RIPOR2: variants seen among roughly 807,000 people sequenced by gnomAD.
RIPOR2 encodes the protein rho family-interacting cell polarization regulator 2.
A neutral mutation model predicts 114.5 loss-of-function variants in RIPOR2; 39 were observed. The observed-to-expected ratio is 0.34, with a 90% CI of 0.26 to 0.44. The LOEUF (loss-of-function observed/expected upper bound fraction) is 0.44, where lower values mean the gene tolerates loss of function less well. Ranked by LOEUF, RIPOR2 falls within the 20% of genes least tolerant of loss-of-function variation. The pLI is 1.00. For missense variants in RIPOR2, 1,007 were observed against 1,255.1 expected, an observed-to-expected ratio of 0.80 and a Z score of 2.99; for synonymous variants, 445 against 484.4, an observed-to-expected ratio of 0.92 and a Z score of 1.07.
intron 1 of RIPOR2, among the ~76,000 whole-genome samples, chr6:24,974,152 G>A (rs1452916496): frequency 6.6e-6 from 1 of 152,208 alleles, no homozygotes; most frequent in African/African-American, 2.4e-5. Context: ...GGGAGGCAGA[G>A]GTGGGAGGAC....
intron 8 of RIPOR2, 40 bp downstream of exon 8, chr6:24,860,933 G>T: frequency 7.5e-7 from 1 of 1,332,382 alleles, no homozygotes; most frequent in Non-Finnish European, 1.1e-6. Context: ...GCACTCTGCA[G>T]AGATGGCTCC....
chr6:24,920,375 C>T (rs908173432), intron 1 of RIPOR2, among the ~76,000 whole-genome samples: 3 of 152,148 alleles, frequency 2.0e-5, no homozygotes, highest in Non-Finnish European at 4.4e-5. Flanking sequence ...TGATGCATTC[C>T]CACAATTATC....
chr6:24,914,076 T>A (rs1479812505), intron 1 of RIPOR2, among the ~76,000 whole-genome samples: 1 of 152,220 alleles, frequency 6.6e-6, no homozygotes, highest in Non-Finnish European at 1.5e-5. Context: ...GGCTCATGCC[T>A]ATAATCCCAG....
At chr6:24,901,900 T>C (rs1226067033) in intron 1 of RIPOR2, among the ~76,000 whole-genome samples, 2 of 152,230 alleles carry the variant, frequency 1.3e-5, no homozygotes, top group African/African-American at 4.8e-5. Context: ...ATCACAGGGT[T>C]GTTCTGTGGT....
chr6:24,857,646 T>C (rs906639711), intron 8 of RIPOR2, among the ~76,000 whole-genome samples: 1 of 152,178 alleles, frequency 6.6e-6, no homozygotes, highest in African/African-American at 2.4e-5. Context: ...CTATTACAGG[T>C]GTTACTGATC....
At chr6:24,876,189 C>A (rs1379503412) in intron 1 of RIPOR2, among the ~76,000 whole-genome samples, 3 of 151,958 alleles carry the variant, frequency 2.0e-5, no homozygotes, top group Non-Finnish European at 2.9e-5. Context: ...ACTCGGGAGG[C>A]TGAGGCAGGA....
chr6:24,934,093 G>T (rs1043291283), intron 1 of RIPOR2, among the ~76,000 whole-genome samples: 6 of 152,184 alleles, frequency 3.9e-5, no homozygotes, highest in African/African-American at 1.4e-4. Flanking sequence ...TATAGGCAAA[G>T]AAATGTGGGC....
At chr6:24,915,299 C>T (rs1426855675) in intron 1 of RIPOR2, among the ~76,000 whole-genome samples, 3 of 151,686 alleles carry the variant, frequency 2.0e-5, no homozygotes, top group Non-Finnish European at 4.4e-5. Flanking sequence ...ACATTGCTCA[C>T]GTCTATTGAA....
intron 1 of RIPOR2, among the ~76,000 whole-genome samples, chr6:25,039,906 A>G (rs1777394498): frequency 6.6e-6 from 1 of 152,186 alleles, no homozygotes; most frequent in Admixed American, 6.5e-5. Flanking sequence ...GCTTGATGCA[A>G]ATTGTTTGCT....
chr6:24,974,698 TGC>T (rs1445478126), intron 1 of RIPOR2, among the ~76,000 whole-genome samples: 1 of 152,208 alleles, frequency 6.6e-6, no homozygotes, highest in Non-Finnish European at 1.5e-5. Flanking sequence ...AAAACATGTA[TGC>T]AAATGTTTGT....
At chr6:24,836,986 A>AG (rs1206858622) in intron 14 of RIPOR2, among the ~76,000 whole-genome samples, 3 of 152,254 alleles carry the variant, frequency 2.0e-5, no homozygotes, top group Admixed American at 2.0e-4. Flanking sequence ...TATAGCAAGA[A>AG]GAAAAAAAGT....
At chr6:24,966,854 G>A (rs183509574) in intron 1 of RIPOR2, among the ~76,000 whole-genome samples, 12 of 152,250 alleles carry the variant, frequency 7.9e-5, no homozygotes, top group East Asian at 1.9e-4. Flanking sequence ...ATTATCCTTC[G>A]AAGAGGATTA....
chr6:24,860,134 T>C (rs1763923910), intron 8 of RIPOR2, among the ~76,000 whole-genome samples: 1 of 152,166 alleles, frequency 6.6e-6, no homozygotes, highest in Admixed American at 6.5e-5. Flanking sequence ...CTGGAATAAA[T>C]ACCAGAAAGG....
At chr6:24,882,740 C>G (rs921672632) in intron 1 of RIPOR2, among the ~76,000 whole-genome samples, 1 of 152,136 alleles carries the variant, frequency 6.6e-6, no homozygotes, top group Non-Finnish European at 1.5e-5. Flanking sequence ...ATATTGCATG[C>G]AAAATTTTGT....
At chr6:24,837,883 T>C (rs1183053312) in intron 14 of RIPOR2, among the ~76,000 whole-genome samples, 1 of 151,992 alleles carries the variant, frequency 6.6e-6, no homozygotes, top group Non-Finnish European at 1.5e-5. Context: ...TTCAGGGAGA[T>C]TTGTGAAGGT....
At chr6:24,936,283 T>G (rs896802014), upstream of RIPOR2, among the ~76,000 whole-genome samples, 4 of 152,240 alleles carry the variant, frequency 2.6e-5, no homozygotes, top group South Asian at 2.1e-4. Flanking sequence ...CAATGGGTTT[T>G]GTTGAAAGAG....
At chr6:24,839,601 T>A in intron 13 of RIPOR2, 1 of 1,537,964 alleles carries the variant, frequency 6.5e-7, no homozygotes, top group South Asian at 1.2e-5. Flanking sequence ...TCTCTACTTC[T>A]GTTTGAAATT....
At chr6:24,892,138 C>T (rs1333198424) in intron 1 of RIPOR2, among the ~76,000 whole-genome samples, 2 of 152,174 alleles carry the variant, frequency 1.3e-5, no homozygotes, top group African/African-American at 2.4e-5. Flanking sequence ...GGATTACAGG[C>T]GTAAGCCACA....
At chr6:24,919,118 G>A (rs951533737) in intron 1 of RIPOR2, among the ~76,000 whole-genome samples, 1 of 152,168 alleles carries the variant, frequency 6.6e-6, no homozygotes, top group Non-Finnish European at 1.5e-5. Flanking sequence ...GCCTTCTTTG[G>A]TAGCAGGAAC....
Sources: allele counts gnomAD v4.1 joint callset (sites outside exome capture counted in the v4.1 genomes callset), GRCh38; gene constraint gnomAD v4.1.1; transcripts MANE v1.5; gene names NCBI Gene and HGNC (gene_info 2026-07-23, HGNC 2026-07-21).